The following SDR16C5 variants were observed in gnomAD, a reference collection of about 807,000 sequenced individuals.
SDR16C5 encodes epidermal retinol dehydrogenase 2.
SDR16C5 carries 20 observed loss-of-function variants against 27.7 expected under a neutral mutation model. The observed-to-expected ratio is 0.72, with a 90% CI of 0.51 to 1.05. SDR16C5 has a LOEUF of 1.05. SDR16C5 is among the 50% of genes least tolerant of loss of function. The pLI, the probability that SDR16C5 is intolerant of heterozygous loss-of-function variation, is 0.00. For synonymous variants in SDR16C5, 139 were observed against 132.3 expected (o/e 1.05, Z -0.35); for missense variants, 374 against 366.3 (o/e 1.02, Z -0.17).
intron 6 of SDR16C5, among the ~76,000 whole-genome samples, chr8:56,304,356 G>C (rs1461019678): frequency 1.7e-4 from 26 of 152,192 alleles, no homozygotes; most frequent in Admixed American, 1.7e-3. Flanking sequence ...TCACACAGCA[G>C]AAAGCCCAGT....
At chr8:56,319,150 C>T (rs1358973907) in intron 1 of SDR16C5, among the ~76,000 whole-genome samples, 1 of 149,396 alleles carries the variant, frequency 6.7e-6, no homozygotes, top group Non-Finnish European at 1.5e-5. Context: ...AAGGCATTGC[C>T]CTGCACAAAG....
intron 6 of SDR16C5, among the ~76,000 whole-genome samples, chr8:56,303,104 G>C (rs1286599028): frequency 6.6e-6 from 1 of 151,766 alleles, no homozygotes; most frequent in Admixed American, 6.6e-5. Flanking sequence ...ACCTGAGGTC[G>C]AGAGTTCAAG....
chr8:56,312,763 G>GAA (rs1815081437), intron 2 of SDR16C5, among the ~76,000 whole-genome samples: 1 of 126,458 alleles, frequency 7.9e-6, no homozygotes, highest in African/African-American at 3.0e-5. Context: ...AGTCTACAAT[G>GAA]CACCACACAC....
intron 1 of SDR16C5, among the ~76,000 whole-genome samples, chr8:56,318,271 C>A (rs1563445690): frequency 6.6e-6 from 1 of 152,194 alleles, no homozygotes; most frequent in Non-Finnish European, 1.5e-5. Context: ...ACGTTTTCAT[C>A]CATGCTTTGA....
intron 4 of SDR16C5, 119 bp from the exon 5 acceptor site, chr8:56,306,939 T>C: frequency 1.1e-6 from 1 of 895,788 alleles, no homozygotes. Flanking sequence ...TCTCCTTTTG[T>C]GTAATCTTGG....
chr8:56,300,079 A>G lies in SDR16C5; in HGVS notation c.*1401T>C, dbSNP rs2129255221. 1 of 152,304 alleles carries G rather than the reference A, an allele frequency of 6.6e-6. No individual in the cohort carries two copies. Among genetic ancestry groups the G allele is most frequent in the East Asian group, 1.9e-4 (1 of 5,184 alleles). 9.4% of individuals were successfully genotyped at this position (152,304 alleles called of 1,614,324 possible). ...CATCATTCTTTGAGTAATGATTGAC[A>G]GTCTCGTTTAATGAAATAATGTTTG... On this transcript the variant is annotated 3_prime_UTR_variant, in exon 7 of 7. Coordinates refer to ENST00000303749, the MANE Select transcript of SDR16C5 (RefSeq NM_138969.4).
chr8:56,314,965 A>T (rs6415686), intron 2 of SDR16C5, among the ~76,000 whole-genome samples: 1 of 152,104 alleles, frequency 6.6e-6, no homozygotes, highest in Non-Finnish European at 1.5e-5. Context: ...AATCCTTAGG[A>T]CGGGCACAGT....
At chr8:56,315,448 A>G (rs1585919896) in intron 2 of SDR16C5, among the ~76,000 whole-genome samples, 1 of 152,194 alleles carries the variant, frequency 6.6e-6, no homozygotes, top group Non-Finnish European at 1.5e-5. Flanking sequence ...AGAGCAATAC[A>G]CATTCGAACG....
rs980674910 is a variant in SDR16C5, at chr8:56,309,013, A to G, written c.480T>C (p.Phe160=). 15 of 1,609,186 alleles carry G rather than the reference A, an allele frequency of 9.3e-6. No homozygotes were observed. Among genetic ancestry groups the G allele is most frequent in the African/African-American group, 4.0e-5 (3 of 74,822 alleles). Residue 160 remains phenylalanine (F), a synonymous_variant, in exon 4 of 7, where the codon TTT becomes TTC. Transcript: ENST00000303749. ...FKAHLWTYKA[F]LPAMIANDHG... Reference sequence around the variant, plus strand: ...GGTCATTAGCAATCATAGCAGGTAGAAAGGCTTTATAAGTCTAAGAATACA... The same window carrying G: ...GGTCATTAGCAATCATAGCAGGTAGGAAGGCTTTATAAGTCTAAGAATACA...
chr8:56,304,851 C>T (rs1431974799), intron 6 of SDR16C5, among the ~76,000 whole-genome samples: 1 of 152,070 alleles, frequency 6.6e-6, no homozygotes, highest in Non-Finnish European at 1.5e-5. Context: ...TGTATACCAG[C>T]CTCAAACTCC....
At chr8:56,315,555 T>C (rs1167313316) in intron 2 of SDR16C5, among the ~76,000 whole-genome samples, 1 of 152,186 alleles carries the variant, frequency 6.6e-6, no homozygotes, top group East Asian at 1.9e-4. Flanking sequence ...CTGTGACCGC[T>C]GGACAGGTTA....
intron 1 of SDR16C5, among the ~76,000 whole-genome samples, chr8:56,318,595 T>C (rs938998140): frequency 6.6e-6 from 1 of 152,136 alleles, no homozygotes; most frequent in South Asian, 2.1e-4. Context: ...TGAATTCACA[T>C]AGAGGGACAG....
At chr8:56,307,352 A>G (rs1814912599) in intron 4 of SDR16C5, among the ~76,000 whole-genome samples, 1 of 152,110 alleles carries the variant, frequency 6.6e-6, no homozygotes, top group South Asian at 2.1e-4. Context: ...TACCTTGAAA[A>G]TGTAGGGTGG....
chr8:56,305,421 G>C (rs75888958), intron 6 of SDR16C5, among the ~76,000 whole-genome samples, 176 bp downstream of exon 6: 60 of 152,290 alleles, frequency 3.9e-4, no homozygotes, highest in Non-Finnish European at 6.6e-4. Flanking sequence ...CACTGCAACT[G>C]TGTAAATTTG....
intron 3 of SDR16C5, chr8:56,309,559 C>T: frequency 1.0e-6 from 1 of 985,088 alleles, no homozygotes; most frequent in South Asian, 4.7e-5. Flanking sequence ...GTATTCTGTC[C>T]AACACCTTCA....
chr8:56,310,140 A>G (rs1814992820), intron 3 of SDR16C5, among the ~76,000 whole-genome samples: 1 of 65,340 alleles, frequency 1.5e-5, no homozygotes, highest in Non-Finnish European at 2.7e-5. Flanking sequence ...AGGAGGGAGG[A>G]GGAGGAGGAG....
intron 2 of SDR16C5, among the ~76,000 whole-genome samples, chr8:56,313,970 A>G (rs765472109): frequency 3.3e-5 from 5 of 152,122 alleles, no homozygotes; most frequent in Non-Finnish European, 7.4e-5. Flanking sequence ...GCACTTTGGG[A>G]GGCCGAGGCG....
chr8:56,301,558 C>T lies in SDR16C5; in HGVS notation c.852G>A (p.Lys284=). The part of the protein sequence containing the change: ...MMFLKSFLPL[K]TGLLIADYLG... The stretch of plus-strand genomic sequence containing the variant: ...AATAGTCAGCTATAAGCAGTCCTGT[C>T]TTGAGGGGCAAAAAGCTAAAGAGAA... Residue 284 remains lysine, a synonymous_variant, in exon 7 of 7, where the codon AAG becomes AAA. Transcript: ENST00000303749. 1.2e-6 allele frequency: 2 copies of T among 1,613,860 alleles called. No individual in the cohort carries two copies. The highest frequency in any genetic ancestry group is 1.7e-6 in the Non-Finnish European group (2 of 1,179,756).
chr8:56,308,827 C>A lies in SDR16C5; in HGVS notation c.565+101G>T, dbSNP rs573718356. The A allele has an allele frequency of 4.7e-5, 36 of 771,322 alleles. No individual in the cohort carries two copies. The East Asian group carries it at 9.1e-4, about 20-fold the overall frequency. The allele number at this position is 771,322 out of a possible 1,614,324, so 47.8% of individuals were successfully genotyped here. ...TGACTATACTTTTTAGTTTATTATC[C>A]TTTATCTTAGGGCATCAAGTCAGTG... On this transcript the variant is annotated intron_variant, in intron 4 of 6. Transcript: ENST00000303749.
Sources: gnomAD v4.1 joint callset for allele counts (sites outside exome capture counted in the v4.1 genomes callset) on GRCh38, gnomAD v4.1.1 for gene constraint, MANE v1.5 for transcripts, NCBI Gene and HGNC (gene_info 2026-07-23, HGNC 2026-07-21) for gene names.